SNX24: variants seen among roughly 807,000 people sequenced by gnomAD.
The protein encoded by SNX24 is sorting nexin 24.
A neutral mutation model predicts 28.7 loss-of-function variants in SNX24; 22 were observed. The observed-to-expected ratio is 0.77, with a 90% CI of 0.55 to 1.10. SNX24 has a LOEUF of 1.10. Ranked by LOEUF, SNX24 falls within the 50% of genes least tolerant of loss-of-function variation. SNX24 has a pLI of 0.00. For synonymous variants in SNX24, 69 were observed against 71.5 expected (o/e 0.96, Z 0.18); for missense variants, 221 against 201.1 (o/e 1.10, Z -0.60).
intron 3 of SNX24, among the ~76,000 whole-genome samples, chr5:122,949,639 C>CTT (rs1437317517): frequency 6.6e-6 from 1 of 152,122 alleles, no homozygotes; most frequent in Non-Finnish European, 1.5e-5. Flanking sequence ...TTTGCAGAGT[C>CTT]TAACAGTTGA....
intron 1 of SNX24, among the ~76,000 whole-genome samples, chr5:122,850,948 G>A (rs557528744): frequency 6.6e-6 from 1 of 152,234 alleles, no homozygotes; most frequent in East Asian, 1.9e-4. Context: ...GGTGGAAGAT[G>A]CTTTACAAGA....
At chr5:122,981,316 C>T (rs1344273450) in intron 3 of SNX24, among the ~76,000 whole-genome samples, 3 of 152,164 alleles carry the variant, frequency 2.0e-5, no homozygotes, top group Non-Finnish European at 4.4e-5. Flanking sequence ...TTTTGGCTGA[C>T]CCAGGAAAAA....
At chr5:122,907,242 A>G (rs1274062790) in intron 1 of SNX24, among the ~76,000 whole-genome samples, 1 of 152,188 alleles carries the variant, frequency 6.6e-6, no homozygotes, top group Non-Finnish European at 1.5e-5. Context: ...AGCAAGTGAT[A>G]CTGGCTTCTC....
At chr5:122,860,895 C>T (rs1361600445) in intron 1 of SNX24, among the ~76,000 whole-genome samples, 1 of 151,998 alleles carries the variant, frequency 6.6e-6, no homozygotes, top group East Asian at 1.9e-4. Flanking sequence ...TGCGCCCGGC[C>T]AAGAAAATTT....
At position 123,002,019 on chromosome 5, in the gene SNX24, C is replaced by T. The variant is rs755552730; in HGVS notation, c.442+15C>T. 1.2e-6 allele frequency: 2 copies of T among 1,600,644 alleles called. No homozygotes were observed. Among genetic ancestry groups the T allele is most frequent in the Non-Finnish European group, 1.7e-6 (2 of 1,167,880 alleles). ...TGCAGCCAGCGGTAATCAAACCTGT[C>T]ATCTGCTAACAGCTCTTTACTGATC... On this transcript the variant is annotated intron_variant, in intron 6 of 6. Transcript: ENST00000261369.
intron 1 of SNX24, among the ~76,000 whole-genome samples, chr5:122,898,021 A>G (rs895122254): frequency 6.6e-6 from 1 of 152,220 alleles, no homozygotes; most frequent in African/African-American, 2.4e-5. Context: ...CAGTTGAGCA[A>G]TACAAATTTA....
Position 122,854,919 on chromosome 5 carries a change from A to G in SNX24, c.60+9226A>G, listed in dbSNP as rs572651652. Among the ~76,000 whole-genome samples the G allele has an allele frequency of 1.0e-3, 153 of 152,366 alleles. 2 individuals carry two copies. Among genetic ancestry groups the G allele is most frequent in the African/African-American group, 3.6e-3 (148 of 41,590 alleles). Reference sequence around the variant, plus strand: ...TAGCATTATGTCTAAAAAAATGTACATACCTTAATTAAAAAGTATTTTATT... The same window carrying G: ...TAGCATTATGTCTAAAAAAATGTACGTACCTTAATTAAAAAGTATTTTATT... On this transcript the variant is annotated intron_variant, in intron 1 of 6. Transcript: ENST00000261369.
chr5:122,898,002 T>C (rs1757275750), intron 1 of SNX24, among the ~76,000 whole-genome samples: 1 of 152,232 alleles, frequency 6.6e-6, no homozygotes, highest in South Asian at 2.1e-4. Flanking sequence ...TATTGTAAAA[T>C]GCTTTCTTCA....
chr5:122,950,660 T>C (rs1330023792), intron 3 of SNX24, among the ~76,000 whole-genome samples: 1 of 152,156 alleles, frequency 6.6e-6, no homozygotes, highest in Non-Finnish European at 1.5e-5. Flanking sequence ...TCTCATTGGC[T>C]TATATTTGTG....
chr5:122,992,698 T>C (rs1351712426), intron 3 of SNX24, among the ~76,000 whole-genome samples: 1 of 152,228 alleles, frequency 6.6e-6, no homozygotes, highest in Non-Finnish European at 1.5e-5. Context: ...TAATTTCACA[T>C]TCATTGCTGT....
At chr5:122,918,483 G>A (rs1436149060) in intron 1 of SNX24, among the ~76,000 whole-genome samples, 2 of 152,164 alleles carry the variant, frequency 1.3e-5, no homozygotes, top group Non-Finnish European at 2.9e-5. Flanking sequence ...ACATTGGGTA[G>A]CACTTTTATG....
chr5:122,942,468 A>G (rs1561632727), intron 2 of SNX24, among the ~76,000 whole-genome samples: 1 of 152,166 alleles, frequency 6.6e-6, no homozygotes, highest in African/African-American at 2.4e-5. Flanking sequence ...CGCTTCTTTA[A>G]CTTTTCTTTT....
chr5:123,028,401 G>A (rs1036417160), intron 5 of SNX24: 2 of 173,290 alleles, frequency 1.2e-5, no homozygotes, highest in Admixed American at 6.3e-5. Flanking sequence ...CTCCTGCAAC[G>A]CCCACCTCTG....
chr5:122,891,014 T>A, intron 1 of SNX24: 1 of 1,467,704 alleles, frequency 6.8e-7, no homozygotes, highest in South Asian at 1.5e-5. Flanking sequence ...CTCTTTTCTG[T>A]CTTACCTCTC....
rs1581706944 is a variant in SNX24, at chr5:122,887,256, T to C, written c.60+41563T>C. Reference sequence around the variant, plus strand: ...TTTATCAACACTTTGAATATATTACTTGATTATTTTTGGCATCTGTTGTTG... The same window carrying C: ...TTTATCAACACTTTGAATATATTACCTGATTATTTTTGGCATCTGTTGTTG... On this transcript the variant is annotated intron_variant, in intron 1 of 6. Transcript: ENST00000261369. Among the ~76,000 whole-genome samples the C allele has an allele frequency of 3.3e-5, 5 of 152,350 alleles. 1 individual carries two copies. The South Asian group carries it at 1.0e-3, about 32-fold the overall frequency.
intron 1 of SNX24, among the ~76,000 whole-genome samples, chr5:122,902,260 C>T (rs560718717): frequency 2.6e-5 from 4 of 152,358 alleles, no homozygotes; most frequent in African/African-American, 9.6e-5. Context: ...TCTCTATAGC[C>T]TGAAGGTCAG....
At chr5:122,930,417 A>T (rs1404925377) in intron 1 of SNX24, among the ~76,000 whole-genome samples, 2 of 152,196 alleles carry the variant, frequency 1.3e-5, no homozygotes, top group African/African-American at 4.8e-5. Context: ...CTCCGCAGGC[A>T]TTGCTCTACT....
chr5:122,960,374 A>G (rs1210568534), intron 3 of SNX24, among the ~76,000 whole-genome samples: 1 of 152,228 alleles, frequency 6.6e-6, no homozygotes, highest in African/African-American at 2.4e-5. Context: ...GCACTAAACT[A>G]CAAAATTTTT....
intron 5 of SNX24, chr5:123,025,987 G>A (rs1381064100): frequency 6.4e-7 from 1 of 1,572,654 alleles, no homozygotes; most frequent in Non-Finnish European, 8.6e-7. Flanking sequence ...AAACAAGGAA[G>A]AAAGTCAACA....
Sources: gnomAD v4.1 joint callset for allele counts (sites outside exome capture counted in the v4.1 genomes callset) on GRCh38, gnomAD v4.1.1 for gene constraint, MANE v1.5 for transcripts, NCBI Gene and HGNC (gene_info 2026-07-23, HGNC 2026-07-21) for gene names.